The following PRKN variants were observed in gnomAD, a reference collection of about 807,000 sequenced individuals.
PRKN encodes E3 ubiquitin-protein ligase parkin.
PRKN carries 56 observed loss-of-function variants against 59.5 expected under a neutral mutation model. The observed-to-expected ratio is 0.94, with a 90% CI of 0.76 to 1.18. The LOEUF (loss-of-function observed/expected upper bound fraction) is 1.18, where lower values mean the gene tolerates loss of function less well. PRKN is among the 50% of genes most tolerant of loss of function. PRKN has a pLI of 0.00. For missense variants in PRKN, 657 were observed against 596.4 expected (o/e 1.10, Z -1.06); for synonymous variants, 250 against 222.1 (o/e 1.13, Z -1.12).
chr6:161,437,317 A>C (rs1156978602), intron 9 of PRKN, among the ~76,000 whole-genome samples: 1 of 152,182 alleles, frequency 6.6e-6, no homozygotes, highest in Non-Finnish European at 1.5e-5. Context: ...TGGTGTCTAC[A>C]GCGTGGAGAT....
At chr6:161,806,135 C>T (rs1466589870) in intron 6 of PRKN, among the ~76,000 whole-genome samples, 1 of 152,202 alleles carries the variant, frequency 6.6e-6, no homozygotes, top group Non-Finnish European at 1.5e-5. Flanking sequence ...CTCTGATGAT[C>T]AACGTGATTG....
intron 3 of PRKN, among the ~76,000 whole-genome samples, chr6:162,211,808 A>G (rs1459534779): frequency 6.6e-6 from 1 of 152,184 alleles, no homozygotes; most frequent in Non-Finnish European, 1.5e-5. Context: ...CAATGTTAAA[A>G]AATTTGGATC....
At chr6:162,515,908 G>A (rs960818388) in intron 1 of PRKN, among the ~76,000 whole-genome samples, 10 of 152,174 alleles carry the variant, frequency 6.6e-5, no homozygotes, top group African/African-American at 2.4e-4. Context: ...GCATGTGACT[G>A]TCAAAAAGGG....
At chr6:161,618,370 C>T (rs190478119) in intron 7 of PRKN, among the ~76,000 whole-genome samples, 11 of 152,140 alleles carry the variant, frequency 7.2e-5, no homozygotes, top group Admixed American at 2.0e-4. Context: ...GTGTTTTGCC[C>T]GGAAAGCCAC....
At chr6:162,693,983 C>T (rs940947038) in intron 1 of PRKN, among the ~76,000 whole-genome samples, 4 of 152,102 alleles carry the variant, frequency 2.6e-5, no homozygotes, top group Admixed American at 1.3e-4. Context: ...CACGGTGGCT[C>T]ATGCCTGTAA....
intron 6 of PRKN, among the ~76,000 whole-genome samples, chr6:161,962,459 T>A (rs1780415758): frequency 1.3e-5 from 2 of 151,888 alleles, no homozygotes; most frequent in African/African-American, 2.4e-5. Flanking sequence ...TTCTTTCAGA[T>A]GAAAATGGAC....
At chr6:161,677,014 T>C (rs79209071) in intron 7 of PRKN, among the ~76,000 whole-genome samples, 192 of 152,312 alleles carry the variant, frequency 1.3e-3, no homozygotes, top group Middle Eastern at 6.8e-3. Flanking sequence ...TAATTGCAAA[T>C]AGCCCTTAAT....
intron 1 of PRKN, among the ~76,000 whole-genome samples, chr6:162,546,969 T>C (rs1220238060): frequency 6.6e-6 from 1 of 152,182 alleles, no homozygotes; most frequent in African/African-American, 2.4e-5. Flanking sequence ...TTTCCTTGGG[T>C]TAATAATGAA....
intron 5 of PRKN, among the ~76,000 whole-genome samples, chr6:162,023,267 A>C (rs1221673652): frequency 1.3e-5 from 2 of 152,052 alleles, no homozygotes; most frequent in African/African-American, 4.8e-5. Context: ...TGTGTTAATC[A>C]ACTCAATTAG....
At chr6:161,427,408 CA>C (rs1788420840) in intron 9 of PRKN, among the ~76,000 whole-genome samples, 1 of 152,088 alleles carries the variant, frequency 6.6e-6, no homozygotes, top group African/African-American at 2.4e-5. Context: ...CTGAGGCACA[CA>C]AAAGTTGAAT....
chr6:162,030,138 C>G (rs1159114185), intron 5 of PRKN, among the ~76,000 whole-genome samples: 1 of 152,152 alleles, frequency 6.6e-6, no homozygotes, highest in African/African-American at 2.4e-5. Flanking sequence ...CCGTGCCCAG[C>G]CGCTGCACCT....
At chr6:162,619,133 C>T (rs1298065204) in intron 1 of PRKN, among the ~76,000 whole-genome samples, 2 of 135,768 alleles carry the variant, frequency 1.5e-5, no homozygotes, top group African/African-American at 5.6e-5. Flanking sequence ...ATATCTAATC[C>T]AGTATTTTTC....
chr6:161,908,915 C>A (rs1273992408), intron 6 of PRKN, among the ~76,000 whole-genome samples: 1 of 152,176 alleles, frequency 6.6e-6, no homozygotes, highest in Non-Finnish European at 1.5e-5. Flanking sequence ...CCAAATGTAG[C>A]TACAGCCACT....
In PRKN at chr6:161,552,797, TTTG is replaced by T. The variant is rs1426564324; in HGVS notation, c.934-3797_934-3795del. Among the ~76,000 whole-genome samples, 15 of 149,626 alleles carry T rather than the reference TTTG, an allele frequency of 1.0e-4. No individual in the cohort carries two copies. The highest frequency in any genetic ancestry group is 3.2e-4 in the African/African-American group (13 of 41,050). ...CATGGTTTTGTTGTTGTTTTTGTTT[TTTG>T]TTTTTTTTTTTTAGACGGAGTCTCG... On this transcript the variant is annotated intron_variant, in intron 8 of 11. Transcript: ENST00000366898. The surrounding 1 kb of genome is among the most constrained non-coding windows in gnomAD (Gnocchi z 4.9).
At chr6:161,999,036 A>C (rs943867024) in intron 5 of PRKN, among the ~76,000 whole-genome samples, 3 of 152,136 alleles carry the variant, frequency 2.0e-5, no homozygotes, top group Non-Finnish European at 4.4e-5. Flanking sequence ...TTTGATAGAA[A>C]GATAAGTAGA....
At chr6:161,964,578 G>A (rs1475116858) in intron 6 of PRKN, among the ~76,000 whole-genome samples, 2 of 151,906 alleles carry the variant, frequency 1.3e-5, no homozygotes, top group East Asian at 1.9e-4. Flanking sequence ...TTTTCCATTC[G>A]ACTCTAGAAC....
chr6:161,425,432 T>A (rs1788297949), intron 9 of PRKN, among the ~76,000 whole-genome samples: 1 of 152,172 alleles, frequency 6.6e-6, no homozygotes, highest in Non-Finnish European at 1.5e-5. Flanking sequence ...CCAGCAACCC[T>A]TCAGAAAGAG....
rs898665038 is a variant in PRKN, at chr6:161,593,076, T to C, written c.872-23660A>G. Among the ~76,000 whole-genome samples the C allele has an allele frequency of 6.6e-6, 1 of 152,216 alleles. No homozygotes were observed. The highest frequency in any genetic ancestry group is 1.5e-5 in the Non-Finnish European group (1 of 68,038). On this transcript the variant is annotated intron_variant, in intron 7 of 11. Coordinates refer to ENST00000366898, the MANE Select transcript of PRKN (RefSeq NM_004562.3). This position sits in a 1 kb window ranked among gnomAD's most constrained non-coding sequence, Gnocchi z 4.8. ...CAGATGCGCTGCACCCCACGTCCGC[T>C]GCTGTTAACATCCTACATAACCAGG...
chr6:161,729,819 A>T (rs964291976), intron 7 of PRKN, among the ~76,000 whole-genome samples: 2 of 151,880 alleles, frequency 1.3e-5, no homozygotes, highest in African/African-American at 4.8e-5. Flanking sequence ...TATGTTGCAT[A>T]TTCTGACATG....
Sources: gnomAD v4.1 joint callset for allele counts (sites outside exome capture counted in the v4.1 genomes callset) on GRCh38, gnomAD v4.1.1 for gene constraint, Gnocchi (gnomAD v3.1) non-coding constraint, MANE v1.5 for transcripts, NCBI Gene and HGNC (gene_info 2026-07-23, HGNC 2026-07-21) for gene names.